The following FBXO17 variants were observed in gnomAD, a reference collection of about 807,000 sequenced individuals.
The protein encoded by FBXO17 is F-box only protein 17.
FBXO17 carries 43 observed loss-of-function variants against 34.1 expected under a neutral mutation model. That is an observed-to-expected ratio of 1.26 (90% CI 0.99 to 1.62). FBXO17 has a LOEUF of 1.62. FBXO17 is among the 40% of genes most tolerant of loss of function. The pLI is 0.00. For synonymous variants in FBXO17, 169 were observed against 166.0 expected, an observed-to-expected ratio of 1.02 and a Z score of -0.14; for missense variants, 424 against 386.7, an observed-to-expected ratio of 1.10 and a Z score of -0.81.
Position 38,950,194 on chromosome 19 carries a change from G to A in FBXO17, c.126C>T (p.Cys42=). 6.4e-7 allele frequency: 1 copy of A among 1,555,240 alleles called. No homozygotes were observed. The highest frequency in any genetic ancestry group is 1.2e-5 in the South Asian group (1 of 85,150). The change falls in exon 2 of 6, where the codon TGC becomes TGT. Residue 42 remains cysteine, a synonymous_variant. Transcript: ENST00000292852. ...HVPPRSLVTR[C]RPVCRAWRDI... ...CGCGCCAGGCGCGGCACACTGGGCG[G>A]CATCGCGTGACCAAGGAGCGTGGCG...
chr19:38,971,199 C>T (rs770993652), intron 1 of FBXO17, among the ~76,000 whole-genome samples: 28 of 152,000 alleles, frequency 1.8e-4, no homozygotes, highest in Non-Finnish European at 2.5e-4. Flanking sequence ...CTGCCCCTCA[C>T]GGTTGTAGGG....
chr19:38,943,584 C>T (rs927857191), intron 5 of FBXO17, among the ~76,000 whole-genome samples: 2 of 150,656 alleles, frequency 1.3e-5, no homozygotes, highest in African/African-American at 2.4e-5. Flanking sequence ...CAAAATTTAC[C>T]ATTTTATTTT....
intron 1 of FBXO17, among the ~76,000 whole-genome samples, chr19:38,953,969 G>T (rs372827026): frequency 5.9e-5 from 9 of 152,060 alleles, no homozygotes; most frequent in Non-Finnish European, 1.2e-4. Flanking sequence ...AGAGTGAAAG[G>T]GGGGGAGGAG....
chr19:38,949,870 T>G (rs1975046508), intron 2 of FBXO17, 101 bp downstream of exon 2: 1 of 1,330,608 alleles, frequency 7.5e-7, no homozygotes, highest in Admixed American at 3.0e-5. Context: ...CCTCCAGCGG[T>G]CTCGCCCATT....
chr19:38,949,966 C>T lies in FBXO17; in HGVS notation c.349+5G>A. 2 of 1,532,280 alleles carry T rather than the reference C, an allele frequency of 1.3e-6. No homozygotes were observed. Among genetic ancestry groups the T allele is most frequent in the South Asian group, 1.2e-5 (1 of 81,614 alleles). 94.9% of individuals were successfully genotyped at this position (1,532,280 alleles called of 1,614,324 possible). A position where few individuals can be genotyped will look rare whatever the true frequency, so the allele number is the denominator to read the frequency against. ...AGCCTCCTGGGCCCCGCCCCCGTCA[C>T]CCACGCTCTCCGCAGGAGTTGAAGA... On this transcript the variant is annotated splice_donor_5th_base_variant and intron_variant, in intron 2 of 5. Coordinates refer to ENST00000292852, the MANE Select transcript of FBXO17 (RefSeq NM_024907.7).
At position 38,950,261 on chromosome 19, in the gene FBXO17, G is replaced by A. The variant is rs369587814; in HGVS notation, c.59C>T (p.Ala20Val). 1.1e-4 allele frequency: 165 copies of A among 1,502,876 alleles called. No individual in the cohort carries two copies. In the African/African-American group the frequency reaches 2.1e-3, roughly 19 times the overall value. 93.1% of individuals were successfully genotyped at this position (1,502,876 alleles called of 1,614,324 possible). Residue 20 changes from alanine to valine, a missense_variant, in exon 2 of 6, where the codon GCG becomes GTG. Transcript: ENST00000292852. ...LPADPSLALDALPPELLVQVL... is the reference protein window; with the variant it reads ...LPADPSLALDVLPPELLVQVL... ...CTGCACCAGCAGCTCCGGGGGCAGCGCGTCCAGGGCCAGGGATGGGTCCGC... is the reference window on the plus strand; with the variant it reads ...CTGCACCAGCAGCTCCGGGGGCAGCACGTCCAGGGCCAGGGATGGGTCCGC...
At chr19:38,974,650 A>T (rs1291617643) in intron 1 of FBXO17, among the ~76,000 whole-genome samples, 1 of 152,216 alleles carries the variant, frequency 6.6e-6, no homozygotes, top group Non-Finnish European at 1.5e-5. Flanking sequence ...TTGATGAAAT[A>T]AGAAATAACA....
chr19:38,967,568 ATTTT>A (rs59028401), intron 1 of FBXO17, among the ~76,000 whole-genome samples: 1 of 148,276 alleles, frequency 6.7e-6, no homozygotes. Context: ...GGAAAATGCA[ATTTT>A]TTTTTTTTTT....
In FBXO17 at chr19:38,942,722, C is replaced by T. The variant is rs747812836; in HGVS notation, c.723G>A (p.Lys241=). ...QVSHVFTNFG[K]GIRYVSFEQY... is the part of the protein sequence containing the mutation. ...GCTCAAAAGATACGTAGCGGATGCC[C>T]TTGCCAAAGTTGGTGAAGACGTGGG... is the stretch of plus-strand genomic sequence containing the variant. The change falls in exon 6 of 6, where the codon AAG becomes AAA. Residue 241 remains lysine (K), a synonymous_variant. Transcript: ENST00000292852. 5.0e-6 allele frequency: 8 copies of T among 1,606,294 alleles called. No homozygotes were observed. Among genetic ancestry groups the T allele is most frequent in the Non-Finnish European group, 6.8e-6 (8 of 1,176,900 alleles).
At chr19:38,972,091 A>G (rs1482589236) in intron 1 of FBXO17, among the ~76,000 whole-genome samples, 1 of 152,190 alleles carries the variant, frequency 6.6e-6, no homozygotes, top group East Asian at 1.9e-4. Context: ...CAAAATTACA[A>G]CAAATTTAGT....
At chr19:38,955,485 T>C (rs891963911) in intron 1 of FBXO17, among the ~76,000 whole-genome samples, 4 of 111,878 alleles carry the variant, frequency 3.6e-5, no homozygotes, top group South Asian at 3.0e-4. Context: ...TCTTTCTTTC[T>C]TTTTTTTTTT....
At position 38,957,342 on chromosome 19, in the gene FBXO17, CTCT is replaced by C. The variant is rs538133645; in HGVS notation, c.-17-7009_-17-7007del. ...TCTTAGGAGGAGTTCTTAGTTCCCACTCTTCTTCTTTTTTGTTTTTTTGAGACG... is the reference window on the plus strand; with the variant it reads ...TCTTAGGAGGAGTTCTTAGTTCCCACTCTTCTTTTTTGTTTTTTTGAGACG... On this transcript the variant is annotated intron_variant, in intron 1 of 5. Transcript: ENST00000292852. Among the ~76,000 whole-genome samples the C allele has an allele frequency of 2.6e-4, 39 of 152,176 alleles. No individual in the cohort carries two copies. In the East Asian group the frequency reaches 6.0e-3, roughly 23 times the overall value.
At chr19:38,949,408 A>G (rs139080492) in intron 2 of FBXO17, among the ~76,000 whole-genome samples, 1 of 150,518 alleles carries the variant, frequency 6.6e-6, no homozygotes, top group Non-Finnish European at 1.5e-5. Context: ...ACTAATTTTT[A>G]AATTTTTTAG....
At chr19:38,949,891 C>A in intron 2 of FBXO17, 80 bp downstream of exon 2, 1 of 1,436,146 alleles carries the variant, frequency 7.0e-7, no homozygotes, top group South Asian at 1.4e-5. Context: ...GGCTACATCT[C>A]TCAGACTCTG....
chr19:38,952,562 C>G lies in FBXO17; in HGVS notation c.-17-2226G>C, dbSNP rs376732896. 7.1e-5 allele frequency: 38 copies of G among 534,394 alleles called. No homozygotes were observed. The African/African-American group carries it at 7.1e-4, about 10-fold the overall frequency. The allele number at this position is 534,394 out of a possible 1,614,324, so 33.1% of individuals were successfully genotyped here. A position where few individuals can be genotyped will look rare whatever the true frequency, so the allele number is the denominator to read the frequency against. Reference sequence around the variant, plus strand: ...CTCCCCAAAACCCCCAGCGATGAATCTCATCACTACCTTGCTTCATGCGTC... The same window carrying G: ...CTCCCCAAAACCCCCAGCGATGAATGTCATCACTACCTTGCTTCATGCGTC... On this transcript the variant is annotated intron_variant, in intron 1 of 5. Coordinates refer to ENST00000292852, the MANE Select transcript of FBXO17 (RefSeq NM_024907.7).
Position 38,942,379 on chromosome 19 carries a change from A to C in FBXO17, c.*229T>G. 1 of 347,204 alleles carries C rather than the reference A, an allele frequency of 2.9e-6. No individual in the cohort carries two copies. The highest frequency in any genetic ancestry group is 5.0e-6 in the Non-Finnish European group (1 of 198,874). The allele number at this position is 347,204 out of a possible 1,614,324, so 21.5% of individuals were successfully genotyped here. On this transcript the variant is annotated 3_prime_UTR_variant, in exon 6 of 6. Coordinates refer to ENST00000292852, the MANE Select transcript of FBXO17 (RefSeq NM_024907.7). ...TGGTCTCAGGCAATCCTCCCACCCAAGCCTCCTGAGTAGCTGGGACTACAG... is the reference window on the plus strand; with the variant it reads ...TGGTCTCAGGCAATCCTCCCACCCACGCCTCCTGAGTAGCTGGGACTACAG...
Position 38,942,260 on chromosome 19 carries a change from CTTT to C in FBXO17, c.*345_*347del, listed in dbSNP as rs35798218. The C allele has an allele frequency of 6.1e-5, 8 of 131,900 alleles. No homozygotes were observed. The highest frequency in any genetic ancestry group is 1.8e-4 in the African/African-American group (6 of 34,162). The allele number at this position is 131,900 out of a possible 1,614,324, so 8.2% of individuals were successfully genotyped here. A position where few individuals can be genotyped will look rare whatever the true frequency, so the allele number is the denominator to read the frequency against. On this transcript the variant is annotated 3_prime_UTR_variant, in exon 6 of 6. Transcript: ENST00000292852. The stretch of plus-strand genomic sequence containing the variant: ...TCTGGCTTCTGGCTGCAAAGCTGGT[CTTT>C]TTTTTTTTTTTTTTCATTGATATAG...
intron 3 of FBXO17, 103 bp downstream of exon 3, chr19:38,948,464 G>T: frequency 1.3e-6 from 1 of 773,696 alleles, no homozygotes; most frequent in South Asian, 1.9e-5. Context: ...ATAAATGGGG[G>T]AAGGAGAGGG....
At chr19:38,964,405 G>A (rs747908864) in intron 1 of FBXO17, among the ~76,000 whole-genome samples, 16 of 151,914 alleles carry the variant, frequency 1.1e-4, no homozygotes, top group South Asian at 1.0e-3. Flanking sequence ...GCGTGATCTC[G>A]GCTCACTGCA....
Sources: gnomAD v4.1 joint callset for allele counts (sites outside exome capture counted in the v4.1 genomes callset) on GRCh38, gnomAD v4.1.1 for gene constraint, MANE v1.5 for transcripts, NCBI Gene and HGNC (gene_info 2026-07-23, HGNC 2026-07-21) for gene names.